Variants in CAMTA1 observed in about 807,000 individuals in gnomAD.
The protein encoded by CAMTA1 is calmodulin-binding transcription activator 1.
In CAMTA1, 27 loss-of-function variants were observed where a neutral mutation model predicts 170.9. The ratio of observed to expected loss-of-function variants is 0.16; its 90% CI spans 0.12 to 0.22. The LOEUF is 0.22. CAMTA1 is among the 10% of genes least tolerant of loss of function. The probability of loss-of-function intolerance (pLI) is 1.00; values close to 1 mark genes in which losing one functional copy is unlikely to be tolerated. For missense variants in CAMTA1, 1,619 were observed against 2,217.2 expected (o/e 0.73, Z 5.42); for synonymous variants, 833 against 891.5 (o/e 0.93, Z 1.17).
At chr1:6,811,801 T>G (rs1048745129) in intron 1 of CAMTA1, among the ~76,000 whole-genome samples, 5 of 152,252 alleles carry the variant, frequency 3.3e-5, no homozygotes, top group Admixed American at 6.5e-5. Flanking sequence ...GGTTCCCAGA[T>G]AGCCGACCTC....
intron 5 of CAMTA1, among the ~76,000 whole-genome samples, chr1:7,383,702 C>T (rs1028882777): frequency 7.9e-5 from 12 of 151,642 alleles, no homozygotes; most frequent in African/African-American, 2.9e-4. Flanking sequence ...TCGATGCTGT[C>T]GAACAAGATG....
In CAMTA1 at chr1:7,665,120, A is replaced by G; in HGVS notation, c.2573A>G (p.Gln858Arg). 2 of 1,523,896 alleles carry G rather than the reference A, an allele frequency of 1.3e-6. No homozygotes were observed. Among genetic ancestry groups the G allele is most frequent in the African/African-American group, 1.4e-5 (1 of 72,222 alleles). The allele number at this position is 1,523,896 out of a possible 1,614,324, so 94.4% of individuals were successfully genotyped here. A position where few individuals can be genotyped will look rare whatever the true frequency, so the allele number is the denominator to read the frequency against. Residue 858 changes from glutamine (Q) to arginine (R), a missense_variant, in exon 9 of 23, where the codon CAG (glutamine) becomes CGG (arginine). Gln to Arg is a conservative substitution (Grantham distance 43). Around this residue, in one of 8 missense-constraint regions of CAMTA1, gnomAD observed 731 missense variants for 907.6 expected, o/e 0.81. Transcript: ENST00000303635. The surrounding 1 kb of genome is among the most constrained non-coding windows in gnomAD (Gnocchi z 4.3). ...VAEVVSAASA[Q>R]GTLGMLQQSG... Reference sequence around the variant, plus strand: ...GAGGTGGTCTCGGCCGCCTCGGCCCAGGGCACCCTAGGCATGCTGCAGCAG... The same window carrying G: ...GAGGTGGTCTCGGCCGCCTCGGCCCGGGGCACCCTAGGCATGCTGCAGCAG...
chr1:7,747,835 G>A, intron 19 of CAMTA1, 54 bp downstream of exon 19: 1 of 1,315,846 alleles, frequency 7.6e-7, no homozygotes, highest in Non-Finnish European at 1.1e-6. Context: ...CAAGGCCACT[G>A]AAGATCCTGG....
intron 1 of CAMTA1, among the ~76,000 whole-genome samples, chr1:6,795,109 G>T (rs1200391349): frequency 6.6e-6 from 1 of 151,990 alleles, no homozygotes; most frequent in African/African-American, 2.4e-5. Flanking sequence ...TTAAAGTTGG[G>T]GGGCGGCTGT....
chr1:7,019,355 G>C (rs1322949867), intron 3 of CAMTA1, among the ~76,000 whole-genome samples: 1 of 152,180 alleles, frequency 6.6e-6, no homozygotes, highest in Non-Finnish European at 1.5e-5. Flanking sequence ...TGACTACCAA[G>C]ACCTTCCAAA....
intron 21 of CAMTA1, among the ~76,000 whole-genome samples, chr1:7,755,167 GA>G (rs2096922546): frequency 6.6e-6 from 1 of 151,550 alleles, no homozygotes; most frequent in Admixed American, 6.6e-5. Flanking sequence ...CTCTACTAAA[GA>G]TACAAAAAAT....
intron 3 of CAMTA1, among the ~76,000 whole-genome samples, chr1:7,006,754 G>T (rs1368499145): frequency 3.3e-5 from 5 of 152,064 alleles, no homozygotes; most frequent in Non-Finnish European, 5.9e-5. Flanking sequence ...AGCCTCTGAG[G>T]GCTGGAGCCT....
chr1:7,563,370 G>A (rs1010459601), intron 6 of CAMTA1, among the ~76,000 whole-genome samples: 5 of 152,212 alleles, frequency 3.3e-5, no homozygotes, highest in African/African-American at 9.6e-5. Flanking sequence ...CCTGGTTTGG[G>A]GAGATGGTCA....
intron 3 of CAMTA1, among the ~76,000 whole-genome samples, chr1:6,878,944 A>G (rs1488862509): frequency 6.6e-6 from 1 of 152,182 alleles, no homozygotes; most frequent in Admixed American, 6.5e-5. Context: ...TCACTAATTC[A>G]TTTTCTACTT....
chr1:7,757,929 G>C (rs2096942837), intron 22 of CAMTA1, among the ~76,000 whole-genome samples: 1 of 152,054 alleles, frequency 6.6e-6, no homozygotes, highest in Non-Finnish European at 1.5e-5. Flanking sequence ...AAATATTTCA[G>C]GTCCCTTGTG....
intron 6 of CAMTA1, among the ~76,000 whole-genome samples, chr1:7,511,657 G>C (rs1334289559): frequency 6.6e-6 from 1 of 152,126 alleles, no homozygotes; most frequent in Non-Finnish European, 1.5e-5. Context: ...AGTGTATTCT[G>C]ACCCCACCAG....
chr1:7,405,364 G>A (rs562695382), intron 5 of CAMTA1, among the ~76,000 whole-genome samples: 2 of 151,032 alleles, frequency 1.3e-5, no homozygotes, highest in South Asian at 4.2e-4. Flanking sequence ...TTTTTTTTTG[G>A]TTTGTTTGCT....
intron 6 of CAMTA1, among the ~76,000 whole-genome samples, chr1:7,471,950 A>G (rs1157093954): frequency 1.3e-5 from 2 of 152,198 alleles, no homozygotes; most frequent in Non-Finnish European, 2.9e-5. Context: ...CAGATTCTGT[A>G]TGGCTCATTT....
At chr1:7,362,026 C>T (rs559522354) in intron 5 of CAMTA1, among the ~76,000 whole-genome samples, 132 of 152,360 alleles carry the variant, frequency 8.7e-4, no homozygotes, top group African/African-American at 2.9e-3. Flanking sequence ...AAAACCAACC[C>T]TGAAAATTTT....
intron 16 of CAMTA1, among the ~76,000 whole-genome samples, chr1:7,739,774 C>T (rs764898109): frequency 1.3e-5 from 2 of 152,202 alleles, no homozygotes; most frequent in African/African-American, 2.4e-5. Context: ...TCCCACAATA[C>T]GTGGGCATTA....
intron 6 of CAMTA1, among the ~76,000 whole-genome samples, chr1:7,505,324 G>GC (rs1461595795): frequency 5.3e-5 from 8 of 152,234 alleles, no homozygotes; most frequent in African/African-American, 1.9e-4. Context: ...GAGGGCTGCT[G>GC]CAAGCACTGC....
chr1:7,598,166 A>G (rs923356152), intron 6 of CAMTA1, among the ~76,000 whole-genome samples: 4 of 142,052 alleles, frequency 2.8e-5, no homozygotes, highest in African/African-American at 8.0e-5. Context: ...ATTCCCACCT[A>G]TGAGTGAGAA....
At position 6,980,716 on chromosome 1, in the gene CAMTA1, A is replaced by G. The variant is rs143446432; in HGVS notation, c.235-110588A>G. 4.0e-4 allele frequency among the ~76,000 whole-genome samples: 61 copies of G among 152,236 alleles called. 1 individual carries two copies. The South Asian group carries it at 7.1e-3, about 18-fold the overall frequency. On this transcript the variant is annotated intron_variant, in intron 3 of 22. Transcript: ENST00000303635. ...GTTTTGAAAAGGGGAGTTCCCCTGC[A>G]CACACACTCCTTTGCTTGCCACCAT... is the stretch of plus-strand genomic sequence containing the variant.
intron 6 of CAMTA1, among the ~76,000 whole-genome samples, chr1:7,638,612 A>T (rs949655822): frequency 2.0e-5 from 3 of 152,206 alleles, no homozygotes; most frequent in Admixed American, 2.0e-4. Context: ...ACTGCACTCC[A>T]GCCTAGGTGA....
Sources: allele counts gnomAD v4.1 joint callset (sites outside exome capture counted in the v4.1 genomes callset), GRCh38; gene constraint gnomAD v4.1.1; regional missense constraint gnomAD v4.1.1; non-coding constraint Gnocchi (gnomAD v3.1); transcripts MANE v1.5; gene names NCBI Gene and HGNC (gene_info 2026-07-23, HGNC 2026-07-21).